MLLT1: variants seen among roughly 807,000 people sequenced by gnomAD.
MLLT1 encodes the protein protein ENL.
MLLT1 carries 11 observed loss-of-function variants against 55.1 expected under a neutral mutation model. The ratio of observed to expected loss-of-function variants is 0.20; its 90% confidence interval spans 0.13 to 0.33. MLLT1 has a LOEUF of 0.33. Ranked by LOEUF, MLLT1 falls within the 10% of genes least tolerant of loss-of-function variation. The pLI, the probability that MLLT1 is intolerant of heterozygous loss-of-function variation, is 1.00. For missense variants in MLLT1, 536 were observed against 760.6 expected (o/e 0.70, Z 3.47); for synonymous variants, 323 against 320.1 (o/e 1.01, Z -0.10).
intron 1 of MLLT1, among the ~76,000 whole-genome samples, chr19:6,275,699 T>C (rs1325081686): frequency 1.3e-5 from 2 of 152,204 alleles, no homozygotes; most frequent in African/African-American, 2.4e-5. Context: ...CCATCTGTCC[T>C]CGTCCCTCTG....
chr19:6,210,839 C>G lies in MLLT1; in HGVS notation c.*2203G>C, dbSNP rs747084435. The stretch of plus-strand genomic sequence containing the variant: ...CCTTGGGAGCCCATGCTGCCCAGCA[C>G]GTCCATCAGGTGGTCACGGAGCCAG... On this transcript the variant is annotated 3_prime_UTR_variant, in exon 12 of 12. Coordinates refer to ENST00000252674, the MANE Select transcript of MLLT1 (RefSeq NM_005934.4). The surrounding 1 kb of genome is among the most constrained non-coding windows in gnomAD (Gnocchi z 4.6). The G allele has an allele frequency of 8.7e-6, 2 of 229,904 alleles. No individual in the cohort carries two copies. Among genetic ancestry groups the G allele is most frequent in the African/African-American group, 4.4e-5 (2 of 45,106 alleles). 14.2% of individuals were successfully genotyped at this position (229,904 alleles called of 1,614,324 possible).
At chr19:6,213,200 G>A in intron 11 of MLLT1, 30 bp from the exon 12 acceptor site, 1 of 1,613,732 alleles carries the variant, frequency 6.2e-7, no homozygotes, top group East Asian at 2.2e-5. Context: ...GGCTTCAGGG[G>A]CAGGGGGCCA....
At chr19:6,218,134 C>T in intron 6 of MLLT1, 93 bp from the exon 7 acceptor site, 1 of 1,492,182 alleles carries the variant, frequency 6.7e-7, no homozygotes, top group Non-Finnish European at 9.0e-7. Context: ...AGCAGCTACG[C>T]TGAGTGGGTC....
At chr19:6,250,667 A>AT (rs1056641227) in intron 3 of MLLT1, among the ~76,000 whole-genome samples, 5 of 152,050 alleles carry the variant, frequency 3.3e-5, no homozygotes, top group East Asian at 1.9e-4. Context: ...AACTCTGTGG[A>AT]TTTTTTTTCC....
intron 2 of MLLT1, among the ~76,000 whole-genome samples, chr19:6,264,362 C>T (rs1447316548): frequency 2.0e-5 from 3 of 151,808 alleles, no homozygotes; most frequent in East Asian, 3.9e-4. Flanking sequence ...AACCAGACCC[C>T]GAGGAAGGCC....
At position 6,262,248 on chromosome 19, in the gene MLLT1, C is replaced by T; in HGVS notation, c.256G>A (p.Glu86Lys). The T allele has an allele frequency of 6.2e-7, 1 of 1,613,902 alleles. No individual in the cohort carries two copies. The highest frequency in any genetic ancestry group is 8.5e-7 in the Non-Finnish European group (1 of 1,179,928). The change falls in exon 3 of 12, where the codon GAG becomes AAG. Residue 86 changes from glutamate (E) to lysine (K), a missense_variant. Physicochemically the swap from Glu to Lys is moderately conservative, Grantham distance 56 (BLOSUM62 1). Around this residue, in one of 3 missense-constraint regions of MLLT1, gnomAD observed 62 missense variants for 195.8 expected, o/e 0.32. Transcript: ENST00000252674. This position sits in a 1 kb window ranked among gnomAD's most constrained non-coding sequence, Gnocchi z 4.4. ...SGYAGFIMPI[E>K]VHFKNKEEPR... ...CCTACCTTGTTTTTGAAGTGCACCT[C>T]GATGGGCATGATGAAGCCAGCGTAC...
Position 6,212,562 on chromosome 19 carries a change from C to G in MLLT1, c.*480G>C. On this transcript the variant is annotated 3_prime_UTR_variant, in exon 12 of 12. Transcript: ENST00000252674. The stretch of plus-strand genomic sequence containing the variant: ...GGGAGGAGCCGGCGCTAGGTCTACA[C>G]GGAGGACGACGCAGACACACAGGCA... The G allele has an allele frequency of 9.2e-7, 1 of 1,087,462 alleles. No individual in the cohort carries two copies. Among genetic ancestry groups the G allele is most frequent in the Non-Finnish European group, 1.1e-6 (1 of 894,930 alleles). The allele number at this position is 1,087,462 out of a possible 1,614,324, so 67.4% of individuals were successfully genotyped here. A position where few individuals can be genotyped will look rare whatever the true frequency, so the allele number is the denominator to read the frequency against.
intron 1 of MLLT1, among the ~76,000 whole-genome samples, chr19:6,275,030 G>A (rs1401555844): frequency 5.3e-5 from 8 of 152,336 alleles, no homozygotes; most frequent in African/African-American, 1.4e-4. Context: ...TACAGCGGCC[G>A]CCGCCTGGCA....
chr19:6,226,662 T>C lies in MLLT1; in HGVS notation c.546+315A>G, dbSNP rs1356132353. 2.0e-5 allele frequency among the ~76,000 whole-genome samples: 3 copies of C among 152,100 alleles called. No individual in the cohort carries two copies. Among genetic ancestry groups the C allele is most frequent in the Non-Finnish European group, 4.4e-5 (3 of 68,030 alleles). On this transcript the variant is annotated intron_variant, in intron 5 of 11. Transcript: ENST00000252674. The surrounding 1 kb of genome is among the most constrained non-coding windows in gnomAD (Gnocchi z 6.3). ...CTACCCAGCGGCCGCCCCAACAGCC[T>C]TCGGCGAAGGTCTCAGGGCTTCAGG...
Position 6,211,961 on chromosome 19 carries a change from C to G in MLLT1, c.*1081G>C. On this transcript the variant is annotated 3_prime_UTR_variant, in exon 12 of 12. Transcript: ENST00000252674. This position sits in a 1 kb window ranked among gnomAD's most constrained non-coding sequence, Gnocchi z 4.6. ...TGGGAGGGCCAGCCCGGCCAACCCACCGGGCCTGCTGATGGCCGAGCCCAC... is the reference window on the plus strand; with the variant it reads ...TGGGAGGGCCAGCCCGGCCAACCCAGCGGGCCTGCTGATGGCCGAGCCCAC... 1 of 1,065,616 alleles carries G rather than the reference C, an allele frequency of 9.4e-7. No homozygotes were observed. Among genetic ancestry groups the G allele is most frequent in the Non-Finnish European group, 1.1e-6 (1 of 879,154 alleles). 66.0% of individuals were successfully genotyped at this position (1,065,616 alleles called of 1,614,324 possible).
chr19:6,236,878 C>A (rs973669406), intron 3 of MLLT1, among the ~76,000 whole-genome samples: 74 of 152,336 alleles, frequency 4.9e-4, no homozygotes, highest in African/African-American at 1.7e-3. Context: ...CGACTCCAGC[C>A]GGACTGTGCT....
At position 6,219,245 on chromosome 19, in the gene MLLT1, C is replaced by T. The variant is rs569879794; in HGVS notation, c.1111-1204G>A. Among the ~76,000 whole-genome samples the T allele has an allele frequency of 2.6e-5, 4 of 152,290 alleles. No individual in the cohort carries two copies. Among genetic ancestry groups the T allele is most frequent in the African/African-American group, 9.6e-5 (4 of 41,566 alleles). ...AGGGTTTACTGCAGCCCAACCCAGC[C>T]CCCTCCTGCCCCTCAAACCAGCCCC... On this transcript the variant is annotated intron_variant, in intron 6 of 11. Coordinates refer to ENST00000252674, the MANE Select transcript of MLLT1 (RefSeq NM_005934.4). This position sits in a 1 kb window ranked among gnomAD's most constrained non-coding sequence, Gnocchi z 4.5.
intron 2 of MLLT1, among the ~76,000 whole-genome samples, chr19:6,268,054 C>T (rs994069994): frequency 1.3e-5 from 2 of 152,026 alleles, no homozygotes; most frequent in African/African-American, 4.8e-5. Flanking sequence ...GTCATATGTA[C>T]GAGATGTTAA....
rs931159909 is a variant in MLLT1, at chr19:6,257,812, A to G, written c.276+4416T>C. ...TGAGACTCCATCTCGGAAAAAAACA[A>G]ACAAAAATGGGCAATGGATATATCT... is the stretch of plus-strand genomic sequence containing the variant. On this transcript the variant is annotated intron_variant, in intron 3 of 11. Transcript: ENST00000252674. Among the ~76,000 whole-genome samples, 6 of 152,218 alleles carry G rather than the reference A, an allele frequency of 3.9e-5. No homozygotes were observed. In the South Asian group the frequency reaches 1.2e-3, roughly 32 times the overall value.
chr19:6,213,882 G>C, intron 9 of MLLT1, 57 bp downstream of exon 9: 1 of 1,526,776 alleles, frequency 6.5e-7, no homozygotes, highest in Non-Finnish European at 8.9e-7. Context: ...AGGACAGCCC[G>C]GCCCAGGGCT....
At chr19:6,223,966 C>T (rs1350480964) in intron 5 of MLLT1, among the ~76,000 whole-genome samples, 1 of 152,168 alleles carries the variant, frequency 6.6e-6, no homozygotes, top group Non-Finnish European at 1.5e-5. Flanking sequence ...AGCCAGATCC[C>T]GAAGGCCCTG....
At chr19:6,228,080 C>T (rs1323500011) in intron 4 of MLLT1, among the ~76,000 whole-genome samples, 2 of 152,166 alleles carry the variant, frequency 1.3e-5, no homozygotes, top group African/African-American at 4.8e-5. Flanking sequence ...CCCCTAGGGT[C>T]CCTGCTCTGA....
At position 6,212,876 on chromosome 19, in the gene MLLT1, G is replaced by A; in HGVS notation, c.*166C>T. 2.0e-6 allele frequency: 2 copies of A among 1,021,190 alleles called. No individual in the cohort carries two copies. The highest frequency in any genetic ancestry group is 2.7e-6 in the Non-Finnish European group (2 of 728,198). 63.3% of individuals were successfully genotyped at this position (1,021,190 alleles called of 1,614,324 possible). The stretch of plus-strand genomic sequence containing the variant: ...AGGGCTCCTGGCGATGGAGCGGGGA[G>A]AGTGGGCAGGGAGCCGCCGAGGAAA... On this transcript the variant is annotated 3_prime_UTR_variant, in exon 12 of 12. Transcript: ENST00000252674.
intron 1 of MLLT1, among the ~76,000 whole-genome samples, chr19:6,275,917 A>G (rs10425549): frequency 0.031 from 4,704 of 152,274 alleles, 253 homozygotes; most frequent in African/African-American, 0.11. Flanking sequence ...ACGTGTAGAC[A>G]GTGTACCGGC....
Sources: gnomAD v4.1 joint callset for allele counts (sites outside exome capture counted in the v4.1 genomes callset) on GRCh38, gnomAD v4.1.1 for gene constraint, gnomAD v4.1.1 regional missense constraint, Gnocchi (gnomAD v3.1) non-coding constraint, MANE v1.5 for transcripts, NCBI Gene and HGNC (gene_info 2026-07-23, HGNC 2026-07-21) for gene names.